Variants in ELL observed in about 807,000 individuals in gnomAD.
ELL encodes the protein RNA polymerase II elongation factor ELL.
A neutral mutation model predicts 64.0 loss-of-function variants in ELL; 18 were observed. The observed-to-expected ratio is 0.28, with a 90% CI of 0.19 to 0.42. ELL has a LOEUF of 0.42. Ranked by LOEUF, ELL falls within the 10% of genes least tolerant of loss-of-function variation. The pLI is 1.00. For synonymous variants in ELL, 399 were observed against 376.2 expected (o/e 1.06, Z -0.70); for missense variants, 797 against 870.4 (o/e 0.92, Z 1.06).
chr19:18,488,519 T>A (rs931952289), intron 1 of ELL, among the ~76,000 whole-genome samples: 19 of 152,128 alleles, frequency 1.2e-4, no homozygotes, highest in African/African-American at 4.6e-4. Context: ...GATCCAGGGC[T>A]CTAGGGAGGG....
At chr19:18,502,269 C>A (rs1443121328) in intron 1 of ELL, among the ~76,000 whole-genome samples, 1 of 152,120 alleles carries the variant, frequency 6.6e-6, no homozygotes, top group African/African-American at 2.4e-5. Context: ...CACATGACCA[C>A]CCTAGGGTGG....
chr19:18,479,016 C>A (rs1251847292), intron 1 of ELL, among the ~76,000 whole-genome samples: 1 of 152,206 alleles, frequency 6.6e-6, no homozygotes, highest in African/African-American at 2.4e-5. Context: ...CTGATCCTCT[C>A]CCCTCCGGCA....
At chr19:18,491,341 G>T (rs1975529632) in intron 1 of ELL, among the ~76,000 whole-genome samples, 1 of 133,878 alleles carries the variant, frequency 7.5e-6, no homozygotes, top group African/African-American at 2.7e-5. Context: ...TTGAACTCCT[G>T]GGCTTTAGCA....
intron 2 of ELL, among the ~76,000 whole-genome samples, chr19:18,470,236 G>A (rs1303817704): frequency 2.0e-5 from 3 of 152,254 alleles, no homozygotes; most frequent in African/African-American, 7.2e-5. Flanking sequence ...TCCAGGTCAA[G>A]GCACATGGCA....
In ELL at chr19:18,465,524, C is replaced by T. The variant is rs770982754; in HGVS notation, c.357G>A (p.Thr119=). The T allele has an allele frequency of 8.1e-6, 13 of 1,612,436 alleles. No homozygotes were observed. In the Admixed American group the frequency reaches 1.3e-4, roughly 17 times the overall value. Residue 119 remains threonine (T), a synonymous_variant, in exon 4 of 12, where the codon ACG becomes ACA. Transcript: ENST00000262809. The stretch of plus-strand genomic sequence containing the variant: ...GGTAGGAGTCGTCGGTGGCACACAC[C>T]GTGATCTTGTCCTGTATGCTGCCCA... ...DCLGSIQDKI[T]VCATDDSYQK...
At chr19:18,455,108 T>G (rs1232133466) in intron 6 of ELL, among the ~76,000 whole-genome samples, 1 of 143,868 alleles carries the variant, frequency 7.0e-6, no homozygotes, top group African/African-American at 2.6e-5. Context: ...GCCACTGCAC[T>G]CCAGGTTGGG....
At position 18,501,993 on chromosome 19, in the gene ELL, ACACGATCAGGAACCAGGCGT is replaced by A. The variant is rs1434887744; in HGVS notation, c.135+19908_135+19927del. ...TGAGGGTGGTTTGGGGTCAGAAGAC[ACACGATCAGGAACCAGGCGT>A]CACCCCCAGAGGCTGCTGGAGTGCG... On this transcript the variant is annotated intron_variant, in intron 1 of 11. Coordinates refer to ENST00000262809, the MANE Select transcript of ELL (RefSeq NM_006532.4). The surrounding 1 kb of genome is among the most constrained non-coding windows in gnomAD (Gnocchi z 4.5). Among the ~76,000 whole-genome samples, 1 of 152,190 alleles carries A rather than the reference ACACGATCAGGAACCAGGCGT, an allele frequency of 6.6e-6. No homozygotes were observed. Among genetic ancestry groups the A allele is most frequent in the East Asian group, 1.9e-4 (1 of 5,188 alleles).
intron 1 of ELL, among the ~76,000 whole-genome samples, chr19:18,487,966 C>T (rs1161438836): frequency 1.3e-5 from 2 of 152,216 alleles, no homozygotes; most frequent in Non-Finnish European, 2.9e-5. Context: ...CTGACAGGAG[C>T]CCTGTGCCTG....
At chr19:18,457,854 C>T (rs930880145) in intron 6 of ELL, among the ~76,000 whole-genome samples, 16 of 152,208 alleles carry the variant, frequency 1.1e-4, no homozygotes, top group African/African-American at 3.9e-4. Context: ...GTGAACTTCC[C>T]AGGCCCTGTG....
chr19:18,487,997 C>G (rs904769668), intron 1 of ELL, among the ~76,000 whole-genome samples: 1 of 152,166 alleles, frequency 6.6e-6, no homozygotes, highest in African/African-American at 2.4e-5. Flanking sequence ...CTCACTCTGG[C>G]CACAACCAGG....
At chr19:18,471,356 CAGAG>C (rs764284521) in intron 2 of ELL, 3 of 448,546 alleles carry the variant, frequency 6.7e-6, no homozygotes, top group African/African-American at 6.0e-5. Flanking sequence ...GCCTCGGCAA[CAGAG>C]AGACTCATCT....
At chr19:18,505,898 C>T (rs982031471) in intron 1 of ELL, among the ~76,000 whole-genome samples, 1 of 152,178 alleles carries the variant, frequency 6.6e-6, no homozygotes, top group Non-Finnish European at 1.5e-5. Flanking sequence ...AAACTGAGGC[C>T]CAGAGGGTGG....
intron 1 of ELL, among the ~76,000 whole-genome samples, chr19:18,510,631 G>T (rs190911365): frequency 6.6e-6 from 1 of 152,240 alleles, no homozygotes; most frequent in East Asian, 1.9e-4. Context: ...AGCTCTCACA[G>T]GACAGTCACA....
At chr19:18,515,981 C>T (rs1271105627) in intron 1 of ELL, among the ~76,000 whole-genome samples, 1 of 152,160 alleles carries the variant, frequency 6.6e-6, no homozygotes, top group Non-Finnish European at 1.5e-5. Flanking sequence ...GGGTCTAGCC[C>T]AGGGCCAACA....
At chr19:18,456,114 G>A (rs974405005) in intron 6 of ELL, among the ~76,000 whole-genome samples, 2 of 151,808 alleles carry the variant, frequency 1.3e-5, no homozygotes, top group African/African-American at 4.8e-5. Flanking sequence ...AAAAAAAAGA[G>A]ATGAAAACCA....
intron 1 of ELL, among the ~76,000 whole-genome samples, chr19:18,497,859 T>G (rs1202162658): frequency 6.8e-6 from 1 of 146,344 alleles, no homozygotes; most frequent in East Asian, 2.0e-4. Flanking sequence ...CCAGATGTGA[T>G]GGCTCATGCC....
At chr19:18,514,439 G>A (rs1342623658) in intron 1 of ELL, among the ~76,000 whole-genome samples, 1 of 150,992 alleles carries the variant, frequency 6.6e-6, no homozygotes, top group East Asian at 1.9e-4. Flanking sequence ...GCGTGAACCT[G>A]GGAGGCAGAG....
At chr19:18,511,515 G>T (rs1447560990) in intron 1 of ELL, among the ~76,000 whole-genome samples, 2 of 152,172 alleles carry the variant, frequency 1.3e-5, no homozygotes, top group Non-Finnish European at 2.9e-5. Flanking sequence ...CTACAGTCAA[G>T]AGGTGGAAGC....
chr19:18,479,217 T>C (rs1456927752), intron 1 of ELL, among the ~76,000 whole-genome samples: 1 of 152,150 alleles, frequency 6.6e-6, no homozygotes, highest in East Asian at 1.9e-4. Flanking sequence ...AGGCCAGGGA[T>C]GCTGCTCAGC....
Sources: allele counts gnomAD v4.1 joint callset (sites outside exome capture counted in the v4.1 genomes callset), GRCh38; gene constraint gnomAD v4.1.1; non-coding constraint Gnocchi (gnomAD v3.1); transcripts MANE v1.5; gene names NCBI Gene and HGNC (gene_info 2026-07-23, HGNC 2026-07-21).